ASIC2: variants seen among roughly 807,000 people sequenced by gnomAD.
ASIC2 encodes the protein acid sensing ion channel subunit 2, also known as acid-sensing ion channel 2.
A neutral mutation model predicts 57.3 loss-of-function variants in ASIC2; 25 were observed. That is an observed-to-expected ratio of 0.44 (90% CI 0.32 to 0.61). ASIC2 has a LOEUF of 0.61. ASIC2 is among the 20% of genes least tolerant of loss of function. ASIC2 has a pLI of 0.06. For synonymous variants in ASIC2, 319 were observed against 307.5 expected (o/e 1.04, Z -0.39); for missense variants, 641 against 738.1 (o/e 0.87, Z 1.52).
chr17:33,034,492 C>A (rs2091900560), intron 3 of ASIC2, among the ~76,000 whole-genome samples: 1 of 152,138 alleles, frequency 6.6e-6, no homozygotes, highest in African/African-American at 2.4e-5. Context: ...GCATGAGACT[C>A]CTCTAAAACA....
At chr17:34,052,946 T>TTCTCCCTTCTCCTTC (rs568663604) in intron 1 of ASIC2, among the ~76,000 whole-genome samples, 80 of 152,022 alleles carry the variant, frequency 5.3e-4, no homozygotes, top group African/African-American at 1.6e-3. Flanking sequence ...CCCTCATCTT[T>TTCTCCCTTCTCCTTC]TCTCCCTTCT....
chr17:33,497,457 G>A (rs1913972250), intron 1 of ASIC2, among the ~76,000 whole-genome samples: 1 of 152,216 alleles, frequency 6.6e-6, no homozygotes, highest in African/African-American at 2.4e-5. Flanking sequence ...TCAGAGGAAG[G>A]GCCCTGAGGG....
At chr17:33,269,675 C>CTTCTTTCCTTTTT (rs1567805250) in intron 1 of ASIC2, among the ~76,000 whole-genome samples, 1 of 71,688 alleles carries the variant, frequency 1.4e-5, no homozygotes, top group Non-Finnish European at 3.1e-5. Flanking sequence ...TCCTTCCTTC[C>CTTCTTTCCTTTTT]CTCCCTCCCT....
At chr17:33,079,505 G>A (rs1350896248) in intron 3 of ASIC2, among the ~76,000 whole-genome samples, 1 of 152,148 alleles carries the variant, frequency 6.6e-6, no homozygotes, top group Non-Finnish European at 1.5e-5. Context: ...GAGCCAGACT[G>A]GAGAGGTCTG....
chr17:33,266,605 A>G (rs1275949982), intron 1 of ASIC2, among the ~76,000 whole-genome samples: 1 of 132,822 alleles, frequency 7.5e-6, no homozygotes, highest in African/African-American at 2.9e-5. Context: ...CTGAGCTGTG[A>G]CCTAGCTTTG....
intron 1 of ASIC2, among the ~76,000 whole-genome samples, chr17:33,637,839 T>C (rs2142031585): frequency 6.6e-6 from 1 of 152,140 alleles, no homozygotes. Flanking sequence ...GGTGGAAGAA[T>C]TGTAGTTATC....
chr17:33,349,980 T>C (rs1908096095), intron 1 of ASIC2, among the ~76,000 whole-genome samples: 1 of 152,204 alleles, frequency 6.6e-6, no homozygotes, highest in Admixed American at 6.5e-5. Context: ...TTCTGGGAAT[T>C]GGAACTTCTT....
intron 1 of ASIC2, among the ~76,000 whole-genome samples, chr17:34,093,263 G>C (rs1466920366): frequency 1.3e-5 from 2 of 152,002 alleles, no homozygotes; most frequent in African/African-American, 4.8e-5. Context: ...CCCACATCCT[G>C]CACCCAAGCC....
intron 1 of ASIC2, among the ~76,000 whole-genome samples, chr17:33,217,146 G>A (rs954825079): frequency 6.6e-6 from 1 of 152,218 alleles, no homozygotes; most frequent in Non-Finnish European, 1.5e-5. Context: ...CTTTGGGTTT[G>A]TGTGATGAGA....
chr17:33,945,272 C>G (rs1240243050), intron 1 of ASIC2, among the ~76,000 whole-genome samples: 1 of 151,928 alleles, frequency 6.6e-6, no homozygotes, highest in Non-Finnish European at 1.5e-5. Context: ...GTAACACATT[C>G]ACAACCTCAA....
intron 1 of ASIC2, among the ~76,000 whole-genome samples, chr17:33,459,999 A>T (rs980879473): frequency 6.6e-6 from 1 of 152,202 alleles, no homozygotes; most frequent in Non-Finnish European, 1.5e-5. Context: ...TGGTTAAAAA[A>T]AAAACCCAGA....
chr17:33,187,288 C>T (rs925978297), intron 1 of ASIC2, among the ~76,000 whole-genome samples: 1 of 152,170 alleles, frequency 6.6e-6, no homozygotes, highest in African/African-American at 2.4e-5. Context: ...AGTTTTGCCT[C>T]ATCCGCCATA....
In ASIC2 at chr17:33,282,409, T is replaced by C. The variant is rs1225808964; in HGVS notation, c.708+8999A>G. Among the ~76,000 whole-genome samples the C allele has an allele frequency of 2.0e-5, 3 of 152,010 alleles. No homozygotes were observed. In the South Asian group the frequency reaches 6.2e-4, roughly 32 times the overall value. ...GCCCCCTCTTCCATCTTCAAAGCCA[T>C]CAATGTAACACTTTCAAATCTCTTT... On this transcript the variant is annotated intron_variant, in intron 1 of 9. Transcript: ENST00000225823.
At chr17:33,920,900 G>A (rs995075682) in intron 1 of ASIC2, among the ~76,000 whole-genome samples, 9 of 152,058 alleles carry the variant, frequency 5.9e-5, no homozygotes, top group African/African-American at 2.2e-4. Flanking sequence ...GACCCTGAGG[G>A]ACCCTCATCA....
chr17:34,113,272 GTA>G (rs1462911958), intron 1 of ASIC2, among the ~76,000 whole-genome samples: 1 of 152,204 alleles, frequency 6.6e-6, no homozygotes, highest in Non-Finnish European at 1.5e-5. Context: ...TAAGTGTCAA[GTA>G]TGTGTCAAGA....
chr17:34,089,151 C>A (rs145437165), intron 1 of ASIC2, among the ~76,000 whole-genome samples: 1,658 of 152,302 alleles, frequency 0.011, 29 homozygotes, highest in African/African-American at 0.038. Flanking sequence ...GAGCTGTAGA[C>A]TGGAGCTGTT....
At chr17:33,076,689 C>T (rs552351696) in intron 3 of ASIC2, among the ~76,000 whole-genome samples, 23 of 152,218 alleles carry the variant, frequency 1.5e-4, no homozygotes, top group Non-Finnish European at 2.4e-4. Flanking sequence ...TGTATTGTTC[C>T]GCAATTTGAT....
intron 3 of ASIC2, among the ~76,000 whole-genome samples, chr17:33,084,599 A>C (rs1453763177): frequency 6.6e-6 from 1 of 152,034 alleles, no homozygotes; most frequent in African/African-American, 2.4e-5. Context: ...AGATATCAGA[A>C]CCCCCCCTGC....
intron 1 of ASIC2, among the ~76,000 whole-genome samples, chr17:33,269,819 G>A (rs927255775): frequency 4.1e-5 from 6 of 147,522 alleles, no homozygotes; most frequent in African/African-American, 1.3e-4. Flanking sequence ...AGGAATGGTA[G>A]TAAAACTAGT....
Sources: allele counts gnomAD v4.1 joint callset (sites outside exome capture counted in the v4.1 genomes callset), GRCh38; gene constraint gnomAD v4.1.1; transcripts MANE v1.5; gene names NCBI Gene and HGNC (gene_info 2026-07-23, HGNC 2026-07-21).